CBARP: variants seen among roughly 807,000 people sequenced by gnomAD.
CBARP encodes the protein voltage-dependent calcium channel beta subunit-associated regulatory protein.
In CBARP, 24 loss-of-function variants were observed where a neutral mutation model predicts 36.3. That is an observed-to-expected ratio of 0.66 (90% CI 0.48 to 0.93). The LOEUF is 0.93. CBARP is among the 40% of genes least tolerant of loss of function. The pLI is 0.00. For missense variants in CBARP, 1,146 were observed against 980.4 expected, an observed-to-expected ratio of 1.17 and a Z score of -2.26; for synonymous variants, 586 against 453.2, an observed-to-expected ratio of 1.29 and a Z score of -3.72.
intron 9 of CBARP, chr19:1,230,353 G>T (rs1040806194): frequency 5.3e-5 from 52 of 986,764 alleles, no homozygotes; most frequent in Non-Finnish European, 6.1e-5. Flanking sequence ...TTATTAAGCA[G>T]GGTGCCTCCA....
At chr19:1,235,262 G>T in intron 4 of CBARP, 117 bp from the exon 5 acceptor site, 2 of 1,210,554 alleles carry the variant, frequency 1.7e-6, no homozygotes, top group Non-Finnish European at 2.2e-6. Flanking sequence ...CGGCACGGGC[G>T]GCCGGGCTGG....
In CBARP at chr19:1,229,814, C is replaced by A; in HGVS notation, c.1483G>T (p.Ala495Ser). The A allele has an allele frequency of 1.0e-6, 1 of 992,636 alleles. No homozygotes were observed. Among genetic ancestry groups the A allele is most frequent in the Non-Finnish European group, 1.2e-6 (1 of 834,002 alleles). 61.5% of individuals were successfully genotyped at this position (992,636 alleles called of 1,614,324 possible). The change falls in exon 10 of 10, where the codon GCG (alanine) becomes TCG (serine). Residue 495 changes from alanine (A) to serine (S), a missense_variant. Transcript: ENST00000650044. This position sits in a 1 kb window ranked among gnomAD's most constrained non-coding sequence, Gnocchi z 5.1. Reference protein sequence around the residue: ...PPAPRPKDGEARRLLQMDSGY... With the variant: ...PPAPRPKDGESRRLLQMDSGY... ...CTGTCCATCTGCAGCAGCCGGCGCG[C>A]CTCGCCGTCCTTGGGCCGCGGCGCG...
intron 9 of CBARP, chr19:1,230,779 G>C: frequency 7.2e-7 from 1 of 1,388,044 alleles, no homozygotes; most frequent in Non-Finnish European, 9.3e-7. Flanking sequence ...CGGGGCGGGG[G>C]TGGGAGAGGG....
chr19:1,229,514 CCGCGCGGGCGCCGGGGT>C lies in CBARP; in HGVS notation c.1766_1782del (p.Asp589GlyfsTer210). Reference sequence around the variant, plus strand: ...GCCGGGGTTCCGGCCAGGGCCGGGGCCGCGCGGGCGCCGGGGTCGCTGTGCTGCCGGCCACGCTGCCA... The same window carrying C: ...GCCGGGGTTCCGGCCAGGGCCGGGGCCGCTGTGCTGCCGGCCACGCTGCCA... On this transcript the variant is annotated frameshift_variant, in exon 10 of 10. Transcript: ENST00000650044. LOFTEE classifies it low-confidence loss of function (END_TRUNC). The surrounding 1 kb of genome is among the most constrained non-coding windows in gnomAD (Gnocchi z 5.1). The C allele has an allele frequency of 3.1e-6, 3 of 979,250 alleles. No individual in the cohort carries two copies. Among genetic ancestry groups the C allele is most frequent in the Non-Finnish European group, 3.6e-6 (3 of 827,810 alleles). The allele number at this position is 979,250 out of a possible 1,614,324, so 60.7% of individuals were successfully genotyped here.
At chr19:1,230,588 C>G in intron 9 of CBARP, 9 of 1,173,632 alleles carry the variant, frequency 7.7e-6, no homozygotes, top group Non-Finnish European at 8.4e-6. Flanking sequence ...GTGAGGGTCA[C>G]CCGCCATACC....
Position 1,233,277 on chromosome 19 carries a change from C to T in CBARP, c.979+149G>A, listed in dbSNP as rs925243228. The T allele has an allele frequency of 6.7e-5, 57 of 848,264 alleles. 1 individual carries two copies. The South Asian group carries it at 6.7e-4, about 10-fold the overall frequency. The allele number at this position is 848,264 out of a possible 1,614,324, so 52.5% of individuals were successfully genotyped here. ...GCCACCTGCAGAACCTCAGGCAGCA[C>T]GCCCGCTGGCAGACTGGGCAGGACT... On this transcript the variant is annotated intron_variant, in intron 8 of 9. Coordinates refer to ENST00000650044, the MANE Select transcript of CBARP (RefSeq NM_001393918.1).
In CBARP at chr19:1,230,073, C is replaced by A. The variant is rs756548903; in HGVS notation, c.1224G>T (p.Ala408=). 1,102 of 1,129,784 alleles carry A rather than the reference C, an allele frequency of 9.8e-4. 6 individuals are homozygous for A. The highest frequency in any genetic ancestry group is 7.3e-3 in the Middle Eastern group (18 of 2,450). 70.0% of individuals were successfully genotyped at this position (1,129,784 alleles called of 1,614,324 possible). ...DSPPERGAGS[A]GPEQQQPPLE... The stretch of plus-strand genomic sequence containing the variant: ...GTGGCGGCTGCTGCTGCTCAGGCCC[C>A]GCGCTGCCCGCGCCGCGCTCCGGGG... Residue 408 remains alanine (A), a synonymous_variant, in exon 10 of 10, where the codon GCG becomes GCT. Coordinates refer to ENST00000650044, the MANE Select transcript of CBARP (RefSeq NM_001393918.1).
rs2080875922 is a variant in CBARP at position 1,230,506 on chromosome 19, T to C, written c.1155-364A>G. ...TGGACTGGACGCGGTTGAGTCCAGCTCAGCCCCTGCTCCAGGCTAGGGCTC... is the reference window on the plus strand; with the variant it reads ...TGGACTGGACGCGGTTGAGTCCAGCCCAGCCCCTGCTCCAGGCTAGGGCTC... On this transcript the variant is annotated intron_variant, in intron 9 of 9. Coordinates refer to ENST00000650044, the MANE Select transcript of CBARP (RefSeq NM_001393918.1). The C allele has an allele frequency of 3.0e-6, 3 of 1,016,744 alleles. No homozygotes were observed. In the East Asian group the frequency reaches 2.7e-4, roughly 92 times the overall value. The allele number at this position is 1,016,744 out of a possible 1,614,324, so 63.0% of individuals were successfully genotyped here. A position where few individuals can be genotyped will look rare whatever the true frequency, so the allele number is the denominator to read the frequency against.
Position 1,230,144 on chromosome 19 carries a change from T to C in CBARP, c.1155-2A>G. 1 of 1,015,296 alleles carries C rather than the reference T, an allele frequency of 9.8e-7. No homozygotes were observed. The highest frequency in any genetic ancestry group is 1.2e-6 in the Non-Finnish European group (1 of 847,240). 62.9% of individuals were successfully genotyped at this position (1,015,296 alleles called of 1,614,324 possible). ...CCCGCTGCCTCGGCCGCCTCTAGCC[T>C]GCAAGCCAGGCCGCGCCGTCAGAGC... On this transcript the variant is annotated splice_acceptor_variant, in intron 9 of 9. Coordinates refer to ENST00000650044, the MANE Select transcript of CBARP (RefSeq NM_001393918.1). LOFTEE classifies it high-confidence loss of function.
chr19:1,236,855 G>A (rs1416011158), intron 1 of CBARP, among the ~76,000 whole-genome samples: 8 of 146,414 alleles, frequency 5.5e-5, no homozygotes, highest in African/African-American at 1.2e-4. Context: ...GCGGCCTGGG[G>A]GGGGGCGGCG....
At position 1,229,448 on chromosome 19, in the gene CBARP, G is replaced by T; in HGVS notation, c.1849C>A (p.Arg617=). Residue 617 remains arginine (R), a synonymous_variant, in exon 10 of 10, where the codon CGG becomes AGG. Coordinates refer to ENST00000650044, the MANE Select transcript of CBARP (RefSeq NM_001393918.1). This position sits in a 1 kb window ranked among gnomAD's most constrained non-coding sequence, Gnocchi z 5.1. ...GGGCCGTCCACGCTGTCGCCGCGCC[G>T]CAAGGGCGCACGCGCGGGTCGGGCC... ...GAARPARAPL[R]RGDSVDGPPD... 2.0e-6 allele frequency: 2 copies of T among 983,354 alleles called. No homozygotes were observed. Among genetic ancestry groups the T allele is most frequent in the Non-Finnish European group, 2.4e-6 (2 of 830,072 alleles). The allele number at this position is 983,354 out of a possible 1,614,324, so 60.9% of individuals were successfully genotyped here.
intron 1 of CBARP, among the ~76,000 whole-genome samples, chr19:1,236,877 G>A (rs2080982313): frequency 6.8e-6 from 1 of 147,540 alleles, no homozygotes; most frequent in South Asian, 2.1e-4. Context: ...CCTCGGGGGG[G>A]CGGGCGCGAA....
At chr19:1,233,192 G>A (rs1026882176) in intron 8 of CBARP, among the ~76,000 whole-genome samples, 1 of 152,170 alleles carries the variant, frequency 6.6e-6, no homozygotes, top group Non-Finnish European at 1.5e-5. Flanking sequence ...AAGCCTTCCC[G>A]CACAGGTTCC....
At position 1,231,258 on chromosome 19, in the gene CBARP, G is replaced by C; in HGVS notation, c.997C>G (p.His333Asp). 1 of 1,601,184 alleles carries C rather than the reference G, an allele frequency of 6.2e-7. No homozygotes were observed. The highest frequency in any genetic ancestry group is 8.5e-7 in the Non-Finnish European group (1 of 1,179,542). The change falls in exon 9 of 10, where the codon CAC becomes GAC. Residue 333 changes from histidine to aspartate, a missense_variant. Coordinates refer to ENST00000650044, the MANE Select transcript of CBARP (RefSeq NM_001393918.1). ...LDTRGSPKRH[H>D]FQRQRAASES... is the part of the protein sequence containing the mutation. ...CTGGCTGCCCGCTGCCGCTGGAAGT[G>C]GTGCCGCTTGGGGGAACCTGCGCAC...
rs146654565 is a variant in CBARP at position 1,234,604 on chromosome 19, G to C, written c.594C>G (p.Ala198=). ...TGGCCAGAGTGGCCTTGGGAGAGGT[G>C]GCCGGGTGGGGCGTGGTGGCTGAGC... ...EASSATTPHP[A]TSPKATLAIF... The change falls in exon 6 of 10, where the codon GCC becomes GCG. Residue 198 remains alanine (A), a synonymous_variant. Coordinates refer to ENST00000650044, the MANE Select transcript of CBARP (RefSeq NM_001393918.1). 3.0e-4 allele frequency: 482 copies of C among 1,608,166 alleles called. 4 individuals are homozygous for C. In the African/African-American group the frequency reaches 5.8e-3, roughly 19 times the overall value.
chr19:1,237,412 G>C (rs1313185097), intron 1 of CBARP, among the ~76,000 whole-genome samples: 3 of 152,104 alleles, frequency 2.0e-5, no homozygotes, highest in African/African-American at 7.2e-5. Context: ...TGGGGGAGGC[G>C]GCTGCGGGAG....
At chr19:1,237,330 T>G (rs1599954282) in intron 1 of CBARP, among the ~76,000 whole-genome samples, 7 of 145,296 alleles carry the variant, frequency 4.8e-5, no homozygotes, top group South Asian at 2.2e-4. Context: ...CTGGAGGGGG[T>G]GGGGACAGGC....
At chr19:1,232,712 ACC>A (rs1240513415) in intron 8 of CBARP, among the ~76,000 whole-genome samples, 3 of 151,608 alleles carry the variant, frequency 2.0e-5, no homozygotes. Flanking sequence ...GGGCAAAAGC[ACC>A]CCCTGCCCCG....
Position 1,229,147 on chromosome 19 carries a change from G to A in CBARP, c.*32C>T. On this transcript the variant is annotated 3_prime_UTR_variant, in exon 10 of 10. Coordinates refer to ENST00000650044, the MANE Select transcript of CBARP (RefSeq NM_001393918.1). This position sits in a 1 kb window ranked among gnomAD's most constrained non-coding sequence, Gnocchi z 5.1. ...CGAGGCCCCGTGCGGCGCCGGAGAA[G>A]CTGCCAGAGAGATGGGCCCAGGACG... 2.1e-6 allele frequency: 2 copies of A among 957,038 alleles called. No individual in the cohort carries two copies. The highest frequency in any genetic ancestry group is 2.7e-5 in the South Asian group (1 of 36,966). The allele number at this position is 957,038 out of a possible 1,614,324, so 59.3% of individuals were successfully genotyped here. A position where few individuals can be genotyped will look rare whatever the true frequency, so the allele number is the denominator to read the frequency against.
Sources: allele counts gnomAD v4.1 joint callset (sites outside exome capture counted in the v4.1 genomes callset), GRCh38; gene constraint gnomAD v4.1.1; non-coding constraint Gnocchi (gnomAD v3.1); transcripts MANE v1.5; gene names NCBI Gene and HGNC (gene_info 2026-07-23, HGNC 2026-07-21).